The following SI variants were observed in gnomAD, a reference collection of about 807,000 sequenced individuals.
SI encodes sucrase-isomaltase, also known as sucrase-isomaltase, intestinal.
SI carries 235 observed loss-of-function variants against 253.3 expected under a neutral mutation model. The observed-to-expected ratio is 0.93, with a 90% CI of 0.83 to 1.03. The LOEUF is 1.03. Ranked by LOEUF, SI falls within the 50% of genes least tolerant of loss-of-function variation. The pLI is 0.00. For synonymous variants in SI, 819 were observed against 712.0 expected (o/e 1.15, Z -2.39); for missense variants, 2,442 against 2,211.1 (o/e 1.10, Z -2.09).
At chr3:165,069,714 G>A (rs1299393431) in intron 3 of SI, among the ~76,000 whole-genome samples, 1 of 151,856 alleles carries the variant, frequency 6.6e-6, no homozygotes, top group Non-Finnish European at 1.5e-5. Flanking sequence ...ACAAGTAGTT[G>A]CTGCAATAGC....
rs1319133403 is a variant in SI at position 164,983,050 on chromosome 3, G to T, written c.5199C>A (p.Asp1733Glu). ...ATAAATATAGGTCTCTTTCATAGGT[G>T]TCTGTAGAGAGAGAAAAAAAATGTG... ...SLFWDDGESI[D>E]TYERDLYLSV... is the part of the protein sequence containing the mutation. The change falls in exon 46 of 48, where the codon GAC (aspartate) becomes GAA (glutamate). Residue 1733 changes from aspartate (D) to glutamate (E), a missense_variant and splice_region_variant. Physicochemically the swap from Asp to Glu is conservative, Grantham distance 45. Coordinates refer to ENST00000264382, the MANE Select transcript of SI (RefSeq NM_001041.4). 1 of 1,544,334 alleles carries T rather than the reference G, an allele frequency of 6.5e-7. No individual in the cohort carries two copies. Among genetic ancestry groups the T allele is most frequent in the Non-Finnish European group, 8.9e-7 (1 of 1,125,106 alleles).
At chr3:165,020,777 T>C (rs547962574) in intron 27 of SI, among the ~76,000 whole-genome samples, 1 of 151,780 alleles carries the variant, frequency 6.6e-6, no homozygotes, top group South Asian at 2.1e-4. Context: ...AACATAAAAA[T>C]ATATCTAGAC....
chr3:164,990,447 C>T (rs998444368), intron 44 of SI, among the ~76,000 whole-genome samples: 3 of 152,006 alleles, frequency 2.0e-5, no homozygotes, highest in Non-Finnish European at 4.4e-5. Flanking sequence ...GGGAAGCTTT[C>T]TTACTTTAAG....
intron 2 of SI, 114 bp from the exon 3 acceptor site, chr3:165,074,781 T>A: frequency 3.4e-6 from 3 of 892,204 alleles, no homozygotes; most frequent in South Asian, 3.3e-5. Context: ...AAAATGAAAA[T>A]TTTAAAATAA....
intron 44 of SI, among the ~76,000 whole-genome samples, chr3:164,987,864 G>C (rs1263361438): frequency 1.3e-5 from 2 of 152,086 alleles, no homozygotes; most frequent in Non-Finnish European, 2.9e-5. Flanking sequence ...GGGTAATCCT[G>C]TCATTAACCA....
At chr3:165,018,695 A>G (rs1321808000) in intron 28 of SI, among the ~76,000 whole-genome samples, 6 of 151,548 alleles carry the variant, frequency 4.0e-5, no homozygotes, top group Non-Finnish European at 8.9e-5. Flanking sequence ...TATTTTTAGT[A>G]ATATGCAAAA....
chr3:165,041,363 G>A (rs1465062855), intron 17 of SI, among the ~76,000 whole-genome samples: 1 of 151,786 alleles, frequency 6.6e-6, no homozygotes, highest in Non-Finnish European at 1.5e-5. Context: ...TTACAAAATA[G>A]AATTTTTATC....
chr3:165,040,476 C>CT (rs773663981), intron 18 of SI, among the ~76,000 whole-genome samples: 3 of 151,936 alleles, frequency 2.0e-5, no homozygotes, highest in Non-Finnish European at 2.9e-5. Context: ...CTTCACTTAA[C>CT]TTTTTTGTGG....
upstream of SI, among the ~76,000 whole-genome samples, chr3:165,079,968 AT>A (rs1261401257): frequency 6.6e-6 from 1 of 151,960 alleles, no homozygotes; most frequent in Non-Finnish European, 1.5e-5. Flanking sequence ...ATAAAATATA[AT>A]CTAAATCAAA....
At chr3:165,071,295 A>G (rs1714560327) in intron 3 of SI, among the ~76,000 whole-genome samples, 1 of 151,812 alleles carries the variant, frequency 6.6e-6, no homozygotes, top group Admixed American at 6.6e-5. Context: ...GAAGATTTTG[A>G]TACTTGTTAT....
At position 165,059,051 on chromosome 3, in the gene SI, T is replaced by C. The variant is rs781060619; in HGVS notation, c.1310A>G (p.Asn437Ser). 7 of 1,612,544 alleles carry C rather than the reference T, an allele frequency of 4.3e-6. No homozygotes were observed. The highest frequency in any genetic ancestry group is 5.1e-6 in the Non-Finnish European group (6 of 1,179,254). The change falls in exon 12 of 48, where the codon AAT becomes AGT. Residue 437 changes from asparagine (N) to serine (S), a missense_variant. Physicochemically the swap from Asn to Ser is conservative, Grantham distance 46. Coordinates refer to ENST00000264382, the MANE Select transcript of SI (RefSeq NM_001041.4). ...DPAISIGRRA[N>S]GTTYATYERG... is the part of the protein sequence containing the mutation. ...CTCATAGGTTGCATATGTTGTTCCATTGGCACGTCGACCTATGGAAATTGC... is the reference window on the plus strand; with the variant it reads ...CTCATAGGTTGCATATGTTGTTCCACTGGCACGTCGACCTATGGAAATTGC...
intron 47 of SI, 91 bp from the exon 48 acceptor site, chr3:164,979,521 T>A: frequency 1.4e-6 from 1 of 731,862 alleles, no homozygotes; most frequent in Non-Finnish European, 2.4e-6. Context: ...TTCTAATAAA[T>A]AGTATATACC....
the SI span, among the ~76,000 whole-genome samples, chr3:165,087,599 T>G: frequency 6.6e-6 from 1 of 152,030 alleles, no homozygotes; most frequent in Non-Finnish European, 1.5e-5. Flanking sequence ...CCAGTTTAGC[T>G]CCTAACTAGA....
chr3:165,038,695 A>T (rs1324810906), intron 20 of SI, among the ~76,000 whole-genome samples: 1 of 152,080 alleles, frequency 6.6e-6, no homozygotes, highest in East Asian at 1.9e-4. Flanking sequence ...TACCATATAA[A>T]AACAAATATA....
At chr3:164,987,729 A>T (rs565058439) in intron 44 of SI, among the ~76,000 whole-genome samples, 22 of 152,284 alleles carry the variant, frequency 1.4e-4, no homozygotes, top group African/African-American at 4.6e-4. Flanking sequence ...TTCACATTTA[A>T]TAGGAAATGT....
intron 28 of SI, 99 bp downstream of exon 28, chr3:165,019,503 T>G: frequency 9.0e-7 from 1 of 1,106,890 alleles, no homozygotes; most frequent in Non-Finnish European, 1.4e-6. Flanking sequence ...AATGCCTTTG[T>G]CATTACTTCA....
chr3:165,063,679 T>C (rs929895653), intron 7 of SI, 138 bp from the exon 8 acceptor site: 1 of 489,378 alleles, frequency 2.0e-6, no homozygotes, highest in Non-Finnish European at 3.7e-6. Context: ...GTCTTCACTA[T>C]ATGTACCAGT....
In SI at chr3:165,063,523, C is replaced by A. The variant is rs371801531; in HGVS notation, c.826G>T (p.Gly276Cys). ...ATACACATAAAGAATGTTTGATGGC[C>A]GTATAAATTATTATTATTCTATAAG... Reference protein sequence around the residue: ...LPGDNNNNLYGHQTFFMCIED... With the variant: ...LPGDNNNNLYCHQTFFMCIED... Residue 276 changes from glycine to cysteine, a missense_variant, in exon 8 of 48, where the codon GGC becomes TGC. Transcript: ENST00000264382. The A allele has an allele frequency of 1.3e-6, 2 of 1,502,444 alleles. No homozygotes were observed. Among genetic ancestry groups the A allele is most frequent in the South Asian group, 1.2e-5 (1 of 81,968 alleles). 93.1% of individuals were successfully genotyped at this position (1,502,444 alleles called of 1,614,324 possible).
In SI at chr3:164,982,562, G is replaced by T. The variant is rs903706969; in HGVS notation, c.5248-152C>A. 6.1e-6 allele frequency: 4 copies of T among 653,022 alleles called. No individual in the cohort carries two copies. The East Asian group carries it at 1.1e-4, about 18-fold the overall frequency. 40.5% of individuals were successfully genotyped at this position (653,022 alleles called of 1,614,324 possible). ...ATAAGGTATTTTACATAATAAACAT[G>T]AATAAAACTTCAAATTTTCTTCCTT... On this transcript the variant is annotated intron_variant, in intron 46 of 47. Transcript: ENST00000264382.
Sources: allele counts gnomAD v4.1 joint callset (sites outside exome capture counted in the v4.1 genomes callset), GRCh38; gene constraint gnomAD v4.1.1; transcripts MANE v1.5; gene names NCBI Gene and HGNC (gene_info 2026-07-23, HGNC 2026-07-21).